The following RBM33 variants were observed in gnomAD, a reference collection of about 807,000 sequenced individuals.
The protein encoded by RBM33 is RNA binding motif protein 33, also known as RNA-binding protein 33.
A neutral mutation model predicts 132.6 loss-of-function variants in RBM33; 28 were observed. That is an observed-to-expected ratio of 0.21 (90% confidence interval 0.16 to 0.29). The LOEUF is 0.29. RBM33 is among the 10% of genes least tolerant of loss of function. The probability of loss-of-function intolerance (pLI) is 1.00; values close to 1 mark genes in which losing one functional copy is unlikely to be tolerated. For synonymous variants in RBM33, 634 were observed against 593.0 expected (o/e 1.07, Z -1.01); for missense variants, 1,291 against 1,518.5 (o/e 0.85, Z 2.49).
intron 14 of RBM33, among the ~76,000 whole-genome samples, chr7:155,749,947 A>G (rs1585526464): frequency 6.6e-6 from 1 of 152,364 alleles, no homozygotes; most frequent in East Asian, 1.9e-4. Flanking sequence ...GGGGAATTTG[A>G]AATGGAAAGA....
intron 9 of RBM33, among the ~76,000 whole-genome samples, chr7:155,719,430 A>C (rs150537533): frequency 2.1e-4 from 32 of 152,192 alleles, no homozygotes; most frequent in Non-Finnish European, 3.8e-4. Flanking sequence ...TATTGGATTT[A>C]AGGTTCAGAG....
chr7:155,715,206 G>T (rs1800425556), intron 8 of RBM33, among the ~76,000 whole-genome samples: 1 of 152,170 alleles, frequency 6.6e-6, no homozygotes, highest in South Asian at 2.1e-4. Flanking sequence ...GAATGGGGAA[G>T]GGTGGCTTTC....
At chr7:155,685,375 C>A (rs948368546) in intron 5 of RBM33, among the ~76,000 whole-genome samples, 1 of 152,100 alleles carries the variant, frequency 6.6e-6, no homozygotes, top group Non-Finnish European at 1.5e-5. Context: ...TTAATTTGGA[C>A]CATTCAACAA....
rs958783458 is a variant in RBM33, at chr7:155,776,457, C to G, written c.*1416C>G. The G allele has an allele frequency of 6.6e-6, 1 of 152,220 alleles. No homozygotes were observed. The highest frequency in any genetic ancestry group is 1.5e-5 in the Non-Finnish European group (1 of 68,040). The allele number at this position is 152,220 out of a possible 1,614,324, so 9.4% of individuals were successfully genotyped here. ...GACTAAGGAGACGGGCACAGACTTGCGTCATCTCGTTTCCACAGTTGACGT... is the reference window on the plus strand; with the variant it reads ...GACTAAGGAGACGGGCACAGACTTGGGTCATCTCGTTTCCACAGTTGACGT... On this transcript the variant is annotated 3_prime_UTR_variant, in exon 18 of 18. Transcript: ENST00000401878. This position sits in a 1 kb window ranked among gnomAD's most constrained non-coding sequence, Gnocchi z 4.0.
At chr7:155,742,755 G>A (rs1051208650) in intron 13 of RBM33, among the ~76,000 whole-genome samples, 1 of 152,244 alleles carries the variant, frequency 6.6e-6, no homozygotes, top group Admixed American at 6.5e-5. Flanking sequence ...TGTAGTGAGT[G>A]TGAACAATCA....
chr7:155,762,257 T>A (rs1036031821), intron 14 of RBM33, among the ~76,000 whole-genome samples: 1 of 152,228 alleles, frequency 6.6e-6, no homozygotes, highest in Non-Finnish European at 1.5e-5. Flanking sequence ...AACTGAACCA[T>A]GACCAGAGGC....
chr7:155,680,554 T>C (rs1158623151), intron 4 of RBM33, 36 bp from the exon 5 acceptor site: 2 of 1,412,004 alleles, frequency 1.4e-6, no homozygotes, highest in African/African-American at 2.9e-5. Context: ...CCTCTCTTCA[T>C]TGGGTGCTTT....
At chr7:155,764,129 T>C (rs1802137140) in intron 15 of RBM33, 111 bp downstream of exon 15, 2 of 802,100 alleles carry the variant, frequency 2.5e-6, no homozygotes, top group Non-Finnish European at 3.8e-6. Context: ...CTCACATTCA[T>C]AAGTGAACCA....
chr7:155,673,059 C>T (rs377316930), intron 3 of RBM33, 144 bp downstream of exon 3: 59 of 494,402 alleles, frequency 1.2e-4, no homozygotes, highest in Middle Eastern at 5.4e-4. Flanking sequence ...TTTTTAAGTG[C>T]GCAGGGAATT....
intron 14 of RBM33, among the ~76,000 whole-genome samples, chr7:155,746,141 ATCAC>A (rs1801510206): frequency 6.6e-6 from 1 of 152,228 alleles, no homozygotes; most frequent in Admixed American, 6.5e-5. Context: ...TAAATTAGAT[ATCAC>A]TCAGTTTTAG....
At chr7:155,699,597 C>T (rs967357943) in intron 5 of RBM33, among the ~76,000 whole-genome samples, 5 of 152,270 alleles carry the variant, frequency 3.3e-5, no homozygotes, top group African/African-American at 1.2e-4. Flanking sequence ...CGTCAGCATA[C>T]TGAGTGGGGG....
intron 2 of RBM33, among the ~76,000 whole-genome samples, chr7:155,667,290 C>T (rs972434703): frequency 6.6e-6 from 1 of 152,072 alleles, no homozygotes; most frequent in Non-Finnish European, 1.5e-5. Context: ...GGGTGTTTCT[C>T]TGTCACGCAG....
chr7:155,687,207 G>A (rs1799507056), intron 5 of RBM33, among the ~76,000 whole-genome samples: 1 of 152,198 alleles, frequency 6.6e-6, no homozygotes, highest in African/African-American at 2.4e-5. Flanking sequence ...TTGTGGTTTT[G>A]ATTTGCATTT....
rs1321726117 is a variant in RBM33, at chr7:155,778,179, A to T, written c.*3138A>T. On this transcript the variant is annotated 3_prime_UTR_variant, in exon 18 of 18. Transcript: ENST00000401878. This position sits in a 1 kb window ranked among gnomAD's most constrained non-coding sequence, Gnocchi z 4.0. ...ACCCTGCCTTGCTGGAGGAGATGGG[A>T]TGGGGCGGGAGGTGGCTTCACCATA... 2 of 152,564 alleles carry T rather than the reference A, an allele frequency of 1.3e-5. No individual in the cohort carries two copies. The allele number at this position is 152,564 out of a possible 1,614,324, so 9.5% of individuals were successfully genotyped here.
intron 5 of RBM33, among the ~76,000 whole-genome samples, chr7:155,698,387 C>T (rs1346335416): frequency 6.6e-6 from 1 of 151,586 alleles, no homozygotes; most frequent in Non-Finnish European, 1.5e-5. Context: ...AAAAATTATA[C>T]AGGAGGTCAA....
chr7:155,714,419 G>A (rs1424311541), intron 8 of RBM33, among the ~76,000 whole-genome samples: 1 of 152,090 alleles, frequency 6.6e-6, no homozygotes, highest in African/African-American at 2.4e-5. Context: ...ATGGAAGGGT[G>A]GAATGGTCAC....
At chr7:155,773,620 TC>T (rs1386359919) in intron 16 of RBM33, among the ~76,000 whole-genome samples, 1 of 137,808 alleles carries the variant, frequency 7.3e-6, no homozygotes, top group Non-Finnish European at 1.5e-5. Flanking sequence ...CTGTGCGTGC[TC>T]CAGACAGCAG....
In RBM33 at chr7:155,700,913, T is replaced by C; in HGVS notation, c.708T>C (p.Thr236=). Residue 236 remains threonine (T), a synonymous_variant, in exon 6 of 18, where the codon ACT becomes ACC. Transcript: ENST00000401878. ...CAATTATTAGGCTCTCAGATGTAAC[T>C]AGAGAGAGAAGGAACATTCCAGAAA... ...EGTIIRLSDV[T]RERRNIPETL... is the part of the protein sequence containing the mutation. The C allele has an allele frequency of 1.2e-6, 2 of 1,613,060 alleles. No individual in the cohort carries two copies. Among genetic ancestry groups the C allele is most frequent in the Non-Finnish European group, 1.7e-6 (2 of 1,179,474 alleles).
chr7:155,766,960 T>G (rs1802243051), intron 16 of RBM33: 1 of 343,556 alleles, frequency 2.9e-6, no homozygotes, highest in Admixed American at 5.0e-5. Context: ...ATACAAAATT[T>G]TTTGTTCTAT....
Sources: gnomAD v4.1 joint callset for allele counts (sites outside exome capture counted in the v4.1 genomes callset) on GRCh38, gnomAD v4.1.1 for gene constraint, Gnocchi (gnomAD v3.1) non-coding constraint, MANE v1.5 for transcripts, NCBI Gene and HGNC (gene_info 2026-07-23, HGNC 2026-07-21) for gene names.